SPIN1: variants seen among roughly 807,000 people sequenced by gnomAD.
SPIN1 encodes spindlin 1.
In SPIN1, 3 loss-of-function variants were observed where a neutral mutation model predicts 26.0. That is an observed-to-expected ratio of 0.12 (90% CI 0.05 to 0.30). The LOEUF (loss-of-function observed/expected upper bound fraction) is 0.30. Ranked by LOEUF, SPIN1 falls within the 10% of genes least tolerant of loss-of-function variation. SPIN1 has a pLI of 1.00. For missense variants in SPIN1, 126 were observed against 333.4 expected (o/e 0.38, Z 4.84); for synonymous variants, 101 against 116.5 (o/e 0.87, Z 0.86).
chr9:88,453,727 T>G (rs1828409684), intron 3 of SPIN1, among the ~76,000 whole-genome samples: 1 of 152,110 alleles, frequency 6.6e-6, no homozygotes, highest in African/African-American at 2.4e-5. Context: ...GGTTTCTCCA[T>G]GTTGGTCAGG....
chr9:88,453,016 G>C (rs916362735), intron 3 of SPIN1, among the ~76,000 whole-genome samples: 9 of 152,114 alleles, frequency 5.9e-5, no homozygotes, highest in Admixed American at 5.2e-4. Context: ...TGTAAATGTT[G>C]GCTACCAAGA....
intron 2 of SPIN1, among the ~76,000 whole-genome samples, chr9:88,441,418 C>CGT (rs1161127336): frequency 9.9e-5 from 9 of 91,136 alleles, no homozygotes; most frequent in Admixed American, 5.9e-4. Context: ...TGTGTGTGCG[C>CGT]GCGCGCGCGC....
rs562770453 is a variant in SPIN1 at position 88,453,177 on chromosome 9, C to T, written c.101+4188C>T. On this transcript the variant is annotated intron_variant, in intron 3 of 5. Coordinates refer to ENST00000375859, the MANE Select transcript of SPIN1 (RefSeq NM_006717.3). ...TTTTATTTTCCCAATAAGCCTTTTGCACTCCTAAAAAGGTTTTTCAACACA... is the reference window on the plus strand; with the variant it reads ...TTTTATTTTCCCAATAAGCCTTTTGTACTCCTAAAAAGGTTTTTCAACACA... Among the ~76,000 whole-genome samples, 6 of 152,056 alleles carry T rather than the reference C, an allele frequency of 3.9e-5. No individual in the cohort carries two copies. The East Asian group carries it at 7.7e-4, about 20-fold the overall frequency.
chr9:88,424,900 C>T (rs1029417079), intron 1 of SPIN1, among the ~76,000 whole-genome samples: 1 of 152,026 alleles, frequency 6.6e-6, no homozygotes, highest in Admixed American at 6.6e-5. Flanking sequence ...AAGCCAATAC[C>T]ATAATCTTCA....
intron 3 of SPIN1, chr9:88,457,849 G>A (rs1001592389): frequency 1.1e-5 from 11 of 983,868 alleles, no homozygotes; most frequent in Admixed American, 1.2e-4. Context: ...TACGCAAAAA[G>A]CAACCAAAAA....
intron 2 of SPIN1, among the ~76,000 whole-genome samples, chr9:88,427,090 G>A (rs979032262): frequency 1.3e-5 from 2 of 152,056 alleles, no homozygotes; most frequent in African/African-American, 4.8e-5. Flanking sequence ...CTGATTTTTA[G>A]CGTGCCTGCC....
Position 88,475,406 on chromosome 9 carries a change from A to G in SPIN1, c.*129A>G. 1 of 953,502 alleles carries G rather than the reference A, an allele frequency of 1.0e-6. No individual in the cohort carries two copies. The highest frequency in any genetic ancestry group is 1.6e-6 in the Non-Finnish European group (1 of 640,628). 59.1% of individuals were successfully genotyped at this position (953,502 alleles called of 1,614,324 possible). A position where few individuals can be genotyped will look rare whatever the true frequency, so the allele number is the denominator to read the frequency against. On this transcript the variant is annotated 3_prime_UTR_variant, in exon 6 of 6. Coordinates refer to ENST00000375859, the MANE Select transcript of SPIN1 (RefSeq NM_006717.3). ...GCGAACCCACAATCTCTGCCAGCAGAACTGGTTTTGTTCTGAATAGTACAG... is the reference window on the plus strand; with the variant it reads ...GCGAACCCACAATCTCTGCCAGCAGGACTGGTTTTGTTCTGAATAGTACAG...
At chr9:88,401,609 GGGAATAACTACAA>G in intron 1 of SPIN1, among the ~76,000 whole-genome samples, 1 of 152,272 alleles carries the variant, frequency 6.6e-6, no homozygotes, top group South Asian at 2.1e-4. Flanking sequence ...GTATTGTTGA[GGGAATAACTACAA>G]GGAAAAAACT....
intron 1 of SPIN1, among the ~76,000 whole-genome samples, chr9:88,409,228 C>T (rs963426156): frequency 2.0e-5 from 3 of 150,384 alleles, no homozygotes; most frequent in African/African-American, 7.3e-5. Context: ...CTCCTGACCT[C>T]AGGTGATCTG....
intron 2 of SPIN1, among the ~76,000 whole-genome samples, chr9:88,430,115 A>G (rs1827838051): frequency 6.6e-6 from 1 of 152,176 alleles, no homozygotes; most frequent in African/African-American, 2.4e-5. Context: ...TCTATTTGCA[A>G]ATGAAAGAAA....
chr9:88,395,407 T>C (rs1048647979), intron 1 of SPIN1, among the ~76,000 whole-genome samples: 2 of 152,204 alleles, frequency 1.3e-5, no homozygotes, highest in African/African-American at 4.8e-5. Context: ...AGCGCTTCAT[T>C]GAAGTGCGTG....
chr9:88,430,845 CA>C lies in SPIN1; in HGVS notation c.52+4257del, dbSNP rs1373420426. Among the ~76,000 whole-genome samples, 3 of 150,620 alleles carry C rather than the reference CA, an allele frequency of 2.0e-5. No homozygotes were observed. In the East Asian group the frequency reaches 5.8e-4, roughly 29 times the overall value. On this transcript the variant is annotated intron_variant, in intron 2 of 5. Transcript: ENST00000375859. ...TTAGCCTCCATTTTTAGTATTTTAG[CA>C]AAGGTTGCAGTATTTTCCTTTTATG... is the stretch of plus-strand genomic sequence containing the variant.
chr9:88,467,846 A>T (rs2990211), intron 4 of SPIN1, among the ~76,000 whole-genome samples: 1,517 of 121,326 alleles, frequency 0.013, 13 homozygotes, highest in Middle Eastern at 0.047. Context: ...CAATTTCTTT[A>T]AAAAAAAAAA....
chr9:88,446,144 G>A (rs1005857803), intron 2 of SPIN1, among the ~76,000 whole-genome samples: 13 of 152,124 alleles, frequency 8.5e-5, no homozygotes, highest in Non-Finnish European at 1.8e-4. Context: ...TTTGCTTCAT[G>A]TGTTTCATTA....
chr9:88,466,151 C>T (rs946129096), intron 4 of SPIN1, among the ~76,000 whole-genome samples: 1 of 151,856 alleles, frequency 6.6e-6, no homozygotes, highest in Non-Finnish European at 1.5e-5. Flanking sequence ...GTAGTAATTT[C>T]CATTTATGTT....
intron 5 of SPIN1, among the ~76,000 whole-genome samples, chr9:88,471,438 G>A (rs1389415280): frequency 1.3e-5 from 2 of 151,994 alleles, no homozygotes; most frequent in East Asian, 3.9e-4. Context: ...GCCAAGGCGG[G>A]TGGATCACGA....
At chr9:88,434,606 G>C (rs7046073) in intron 2 of SPIN1, among the ~76,000 whole-genome samples, 50,644 of 151,818 alleles carry the variant, frequency 0.33, 16,021 homozygotes, top group African/African-American at 0.84. Context: ...TAACAATGTG[G>C]GTTAAGCAGT....
Position 88,426,506 on chromosome 9 carries a change from C to A in SPIN1, c.-34C>A. 2 of 1,573,250 alleles carry A rather than the reference C, an allele frequency of 1.3e-6. No homozygotes were observed. The highest frequency in any genetic ancestry group is 1.1e-5 in the South Asian group (1 of 88,346). Reference sequence around the variant, plus strand: ...GAGAATATTGAATTTTCACCCTAGTCCAGCAGCTCCGCTGCTCACTTAAAT... The same window carrying A: ...GAGAATATTGAATTTTCACCCTAGTACAGCAGCTCCGCTGCTCACTTAAAT... On this transcript the variant is annotated 5_prime_UTR_variant, in exon 2 of 6. Transcript: ENST00000375859.
At chr9:88,404,260 T>C (rs1316488404) in intron 1 of SPIN1, among the ~76,000 whole-genome samples, 2 of 152,214 alleles carry the variant, frequency 1.3e-5, no homozygotes, top group Admixed American at 6.5e-5. Flanking sequence ...TATTGTGCAC[T>C]ATTGTAGACT....
Sources: allele counts gnomAD v4.1 joint callset (sites outside exome capture counted in the v4.1 genomes callset), GRCh38; gene constraint gnomAD v4.1.1; transcripts MANE v1.5; gene names NCBI Gene and HGNC (gene_info 2026-07-23, HGNC 2026-07-21).